CYYR1: variants seen among roughly 807,000 people sequenced by gnomAD.
The protein encoded by CYYR1 is cysteine and tyrosine-rich protein 1.
In CYYR1, 14 loss-of-function variants were observed where a neutral mutation model predicts 15.2. That is an observed-to-expected ratio of 0.92 (90% CI 0.61 to 1.44). The LOEUF (loss-of-function observed/expected upper bound fraction) is 1.44. Ranked by LOEUF, CYYR1 falls within the 40% of genes most tolerant of loss-of-function variation. The probability of loss-of-function intolerance (pLI) is 0.00; values close to 1 mark genes in which losing one functional copy is unlikely to be tolerated. For synonymous variants in CYYR1, 80 were observed against 77.4 expected, an observed-to-expected ratio of 1.03 and a Z score of -0.18; for missense variants, 228 against 209.5, an observed-to-expected ratio of 1.09 and a Z score of -0.54.
intron 2 of CYYR1, among the ~76,000 whole-genome samples, chr21:26,499,836 GT>G (rs201220917): frequency 0.015 from 2,072 of 137,902 alleles, 27 homozygotes; most frequent in African/African-American, 0.039. Flanking sequence ...ACACATTTTT[GT>G]TTTTTTTTTT....
At chr21:26,477,162 T>C (rs186896609) in intron 3 of CYYR1, among the ~76,000 whole-genome samples, 2 of 152,304 alleles carry the variant, frequency 1.3e-5, no homozygotes, top group Non-Finnish European at 2.9e-5. Context: ...TGTAGGACTA[T>C]ACAATAAGTT....
chr21:26,534,143 T>C (rs974548325), intron 2 of CYYR1, among the ~76,000 whole-genome samples: 5 of 152,188 alleles, frequency 3.3e-5, no homozygotes, highest in African/African-American at 9.6e-5. Context: ...ACTGCTATGA[T>C]ATATTTGCAT....
At chr21:26,540,662 C>G (rs1453003407) in intron 2 of CYYR1, among the ~76,000 whole-genome samples, 1 of 152,056 alleles carries the variant, frequency 6.6e-6, no homozygotes, top group African/African-American at 2.4e-5. Context: ...GATTTGAGTT[C>G]TTCTAGATTA....
rs561389624 is a variant in CYYR1 at position 26,546,342 on chromosome 21, C to G, written c.176+19924G>C. ...TTTTGAAACTTTGTTTCTTCATCAC[C>G]ACCCAATCACTTCCATTTTGCTTAG... On this transcript the variant is annotated intron_variant, in intron 2 of 3. Coordinates refer to ENST00000652641, the MANE Select transcript of CYYR1 (RefSeq NM_001320768.2). 6.6e-5 allele frequency among the ~76,000 whole-genome samples: 10 copies of G among 152,242 alleles called. No homozygotes were observed. The South Asian group carries it at 2.1e-3, about 32-fold the overall frequency.
rs370296689 is a variant in CYYR1 at position 26,528,383 on chromosome 21, G to T, written c.176+37883C>A. 1.5e-4 allele frequency among the ~76,000 whole-genome samples: 23 copies of T among 152,228 alleles called. No homozygotes were observed. The East Asian group carries it at 3.9e-3, about 26-fold the overall frequency. ...GCAGGTCCCTCAGGAATGGCTTGGT[G>T]CCACTCTCATGGTAAGGAGGGAGTT... On this transcript the variant is annotated intron_variant, in intron 2 of 3. Transcript: ENST00000652641.
intron 2 of CYYR1, among the ~76,000 whole-genome samples, chr21:26,517,330 C>T (rs1396161734): frequency 6.6e-6 from 1 of 152,108 alleles, no homozygotes; most frequent in African/African-American, 2.4e-5. Context: ...TATGGTATTA[C>T]TTCTAATCTT....
In CYYR1 at chr21:26,573,284, T is replaced by TCC. The variant is rs1981143222; in HGVS notation, c.-345_-344insGG. The TCC allele has an allele frequency of 2.3e-6, 3 of 1,290,804 alleles. No homozygotes were observed. Among genetic ancestry groups the TCC allele is most frequent in the Admixed American group, 2.5e-5 (1 of 39,506 alleles). 80.0% of individuals were successfully genotyped at this position (1,290,804 alleles called of 1,614,324 possible). A position where few individuals can be genotyped will look rare whatever the true frequency, so the allele number is the denominator to read the frequency against. ...TTTCATCTCCGCGGGTGGCAACGAC[T>TCC]GCGGGCAGGGGGCGGGGGTGGCCCC... is the stretch of plus-strand genomic sequence containing the variant. On this transcript the variant is annotated 5_prime_UTR_variant, in exon 1 of 4. Coordinates refer to ENST00000652641, the MANE Select transcript of CYYR1 (RefSeq NM_001320768.2).
intron 2 of CYYR1, among the ~76,000 whole-genome samples, chr21:26,517,965 C>A (rs1017690003): frequency 6.6e-6 from 1 of 152,166 alleles, no homozygotes; most frequent in Non-Finnish European, 1.5e-5. Context: ...GAAGGCTTAT[C>A]AGTATTCCTC....
Position 26,542,554 on chromosome 21 carries a change from G to C in CYYR1, c.176+23712C>G, listed in dbSNP as rs1340278949. Among the ~76,000 whole-genome samples the C allele has an allele frequency of 4.6e-5, 7 of 152,032 alleles. No individual in the cohort carries two copies. The South Asian group carries it at 1.0e-3, about 23-fold the overall frequency. On this transcript the variant is annotated intron_variant, in intron 2 of 3. Transcript: ENST00000652641. ...TGAAAAACATTACAATTAGCATCATGCTTAATTGTTTTTTTCCTATGTTCC... is the reference window on the plus strand; with the variant it reads ...TGAAAAACATTACAATTAGCATCATCCTTAATTGTTTTTTTCCTATGTTCC...
intron 2 of CYYR1, among the ~76,000 whole-genome samples, chr21:26,538,534 T>C (rs1250566901): frequency 1.3e-5 from 2 of 152,158 alleles, no homozygotes; most frequent in South Asian, 2.1e-4. Context: ...TCCACCACTT[T>C]GTTTTTGCCA....
At chr21:26,544,469 TAAAAG>T (rs1327088044) in intron 2 of CYYR1, among the ~76,000 whole-genome samples, 2 of 152,194 alleles carry the variant, frequency 1.3e-5, no homozygotes, top group South Asian at 4.1e-4. Context: ...CCAAGGGCAA[TAAAAG>T]GATTTATAAA....
chr21:26,534,811 CT>C (rs2065975169), intron 2 of CYYR1, among the ~76,000 whole-genome samples: 1 of 152,122 alleles, frequency 6.6e-6, no homozygotes, highest in African/African-American at 2.4e-5. Flanking sequence ...TTGTTAAACT[CT>C]CTTCAATTTC....
intron 2 of CYYR1, 21 bp downstream of exon 2, chr21:26,566,245 C>A (rs1479506075): frequency 1.3e-6 from 2 of 1,572,486 alleles, no homozygotes; most frequent in Non-Finnish European, 1.7e-6. Flanking sequence ...ATCAGTATTG[C>A]CAAATCTGAC....
At chr21:26,543,671 C>A (rs185672517) in intron 2 of CYYR1, among the ~76,000 whole-genome samples, 7 of 152,140 alleles carry the variant, frequency 4.6e-5, no homozygotes, top group African/African-American at 1.7e-4. Context: ...TTTGGGAGGC[C>A]GAGGCGGGTG....
At chr21:26,497,965 T>C (rs1258072028) in intron 2 of CYYR1, among the ~76,000 whole-genome samples, 1 of 152,200 alleles carries the variant, frequency 6.6e-6, no homozygotes, top group Non-Finnish European at 1.5e-5. Context: ...GTGACATATG[T>C]CATTTGTATC....
At chr21:26,511,260 C>T (rs2065643926) in intron 2 of CYYR1, among the ~76,000 whole-genome samples, 1 of 152,188 alleles carries the variant, frequency 6.6e-6, no homozygotes, top group Non-Finnish European at 1.5e-5. Flanking sequence ...ATATTAGTAA[C>T]ATCTTTACAG....
chr21:26,562,560 G>C (rs1980276302), intron 2 of CYYR1, among the ~76,000 whole-genome samples: 1 of 152,024 alleles, frequency 6.6e-6, no homozygotes, highest in South Asian at 2.1e-4. Context: ...GAACAGTAGG[G>C]ACTTTCTCAA....
intron 2 of CYYR1, among the ~76,000 whole-genome samples, chr21:26,540,930 C>A (rs981235430): frequency 2.0e-5 from 3 of 151,954 alleles, no homozygotes; most frequent in Non-Finnish European, 4.4e-5. Flanking sequence ...AAAATCTCAG[C>A]AGAGAGATTG....
At chr21:26,480,209 C>T in intron 3 of CYYR1, 63 bp downstream of exon 3, 1 of 1,485,082 alleles carries the variant, frequency 6.7e-7, no homozygotes, top group African/African-American at 1.4e-5. Context: ...GTTTCCTTCT[C>T]TCTGTGAGGA....
Sources: allele counts gnomAD v4.1 joint callset (sites outside exome capture counted in the v4.1 genomes callset), GRCh38; gene constraint gnomAD v4.1.1; transcripts MANE v1.5; gene names NCBI Gene and HGNC (gene_info 2026-07-23, HGNC 2026-07-21).